Variants in ZNF181 observed in about 807,000 individuals in gnomAD.
ZNF181 encodes zinc finger protein 181, also known as zinc finger protein 181 (HHZ181).
In ZNF181, 8 loss-of-function variants were observed where a neutral mutation model predicts 11.9. That is an observed-to-expected ratio of 0.67 (90% CI 0.39 to 1.21). The LOEUF is 1.21. ZNF181 is among the 50% of genes most tolerant of loss of function. ZNF181 has a pLI of 0.01. For synonymous variants in ZNF181, 202 were observed against 221.1 expected (o/e 0.91, Z 0.77); for missense variants, 542 against 670.9 (o/e 0.81, Z 2.12).
chr19:34,738,608 A>T (rs965097381), intron 1 of ZNF181, among the ~76,000 whole-genome samples: 1 of 151,318 alleles, frequency 6.6e-6, no homozygotes. Context: ...CAGTGGCGCA[A>T]CCTCCGCCTC....
At chr19:34,739,756 T>A (rs2068941305) in intron 3 of ZNF181, 135 bp downstream of exon 3, 2 of 916,810 alleles carry the variant, frequency 2.2e-6, no homozygotes, top group East Asian at 2.6e-5. Context: ...TGAAAAATTG[T>A]GGGATATTTA....
chr19:34,735,514 A>G (rs1209262230), intron 1 of ZNF181, among the ~76,000 whole-genome samples: 2 of 152,146 alleles, frequency 1.3e-5, no homozygotes, highest in Admixed American at 1.3e-4. Context: ...CGGTAGTGAT[A>G]GCAATAAAGC....
intron 3 of ZNF181, 21 bp from the exon 4 acceptor site, chr19:34,740,590 T>A: frequency 1.3e-6 from 2 of 1,530,770 alleles, no homozygotes; most frequent in African/African-American, 2.8e-5. Context: ...AACAGTGCTT[T>A]GCTTTTTTGA....
At position 34,742,061 on chromosome 19, in the gene ZNF181, T is replaced by C. The variant is rs2068989023; in HGVS notation, c.1680T>C (p.Tyr560=). The change falls in exon 4 of 4, where the codon TAT becomes TAC. Residue 560 remains tyrosine, a synonymous_variant. Transcript: ENST00000492450. ...VEKPLDYMNH[Y]TCEKSYRRET... ...AGCCTTTAGACTATATGAATCACTA[T>C]ACATGTGAGAAATCTTACAGAAGAG... 2 of 1,583,782 alleles carry C rather than the reference T, an allele frequency of 1.3e-6. No homozygotes were observed. The highest frequency in any genetic ancestry group is 3.7e-5 in the Admixed American group (2 of 53,724).
chr19:34,739,137 T>C lies in ZNF181; in HGVS notation c.10-11T>C, dbSNP rs748680015. ...GGCTATGGCTGAGCCTAAATATGTT[T>C]GCTATTTCAGGTGACATTTAATGAT... On this transcript the variant is annotated splice_polypyrimidine_tract_variant and intron_variant, in intron 1 of 3. Transcript: ENST00000492450. The C allele has an allele frequency of 1.2e-6, 2 of 1,613,498 alleles. 1 individual carries two copies. The highest frequency in any genetic ancestry group is 1.7e-6 in the Non-Finnish European group (2 of 1,179,538).
Position 34,741,326 on chromosome 19 carries a change from C to T in ZNF181, c.945C>T (p.His315=), listed in dbSNP as rs1165607224. The T allele has an allele frequency of 2.5e-6, 4 of 1,613,850 alleles. No homozygotes were observed. Among genetic ancestry groups the T allele is most frequent in the African/African-American group, 1.3e-5 (1 of 75,034 alleles). The stretch of plus-strand genomic sequence containing the variant: ...CACTTACTAACCATCAGAGCACTCA[C>T]ACTGGAGAGAAACCATATGAATGTA... ...VSSLTNHQST[H]TGEKPYECMN... is the part of the protein sequence containing the mutation. The change falls in exon 4 of 4, where the codon CAC becomes CAT. Residue 315 remains histidine (H), a synonymous_variant. Transcript: ENST00000492450.
chr19:34,735,020 G>C lies in ZNF181; in HGVS notation c.-18G>C. On this transcript the variant is annotated 5_prime_UTR_variant, in exon 1 of 4. Coordinates refer to ENST00000492450, the MANE Select transcript of ZNF181 (RefSeq NM_001029997.4). The stretch of plus-strand genomic sequence containing the variant: ...GCCTGGAAAGAGGACTCTGTTGGCT[G>C]TTGGAAATTGCAGAGTAATGCCTCA... 1 of 1,577,396 alleles carries C rather than the reference G, an allele frequency of 6.3e-7. No homozygotes were observed. The highest frequency in any genetic ancestry group is 1.3e-5 in the African/African-American group (1 of 74,200).
chr19:34,743,930 C>CTGTGATTAGAATCCTATCT lies in ZNF181; in HGVS notation c.*1845_*1863dup, dbSNP rs1306601282. 38 of 152,152 alleles carry CTGTGATTAGAATCCTATCT rather than the reference C, an allele frequency of 2.5e-4. No individual in the cohort carries two copies. The highest frequency in any genetic ancestry group is 8.7e-4 in the African/African-American group (36 of 41,424). The allele number at this position is 152,152 out of a possible 1,614,324, so 9.4% of individuals were successfully genotyped here. ...AAGAAATGGAACAGTCTCACTGGCCCTGTGATTAGAATCCTATCTTGTGAT... is the reference window on the plus strand; with the variant it reads ...AAGAAATGGAACAGTCTCACTGGCCCTGTGATTAGAATCCTATCTTGTGATTAGAATCCTATCTTGTGAT... On this transcript the variant is annotated 3_prime_UTR_variant, in exon 4 of 4. Coordinates refer to ENST00000492450, the MANE Select transcript of ZNF181 (RefSeq NM_001029997.4).
Position 34,741,319 on chromosome 19 carries a change from G to C in ZNF181, c.938G>C (p.Ser313Thr), listed in dbSNP as rs748820408. The stretch of plus-strand genomic sequence containing the variant: ...GTCTCATCACTTACTAACCATCAGA[G>C]CACTCACACTGGAGAGAAACCATAT... Reference protein sequence around the residue: ...SHVSSLTNHQSTHTGEKPYEC... With the variant: ...SHVSSLTNHQTTHTGEKPYEC... The change falls in exon 4 of 4, where the codon AGC (serine) becomes ACC (threonine). Residue 313 changes from serine (S) to threonine (T), a missense_variant. Physicochemically the swap from Ser to Thr is moderately conservative, Grantham distance 58 (BLOSUM62 1). Transcript: ENST00000492450. 6.8e-6 allele frequency: 11 copies of C among 1,613,766 alleles called. No individual in the cohort carries two copies. The highest frequency in any genetic ancestry group is 9.3e-6 in the Non-Finnish European group (11 of 1,179,816).
rs2068991024 is a variant in ZNF181, at chr19:34,742,165, G to C, written c.*68G>C. 6.1e-6 allele frequency: 9 copies of C among 1,464,534 alleles called. No individual in the cohort carries two copies. In the South Asian group the frequency reaches 1.2e-4, roughly 19 times the overall value. 90.7% of individuals were successfully genotyped at this position (1,464,534 alleles called of 1,614,324 possible). ...TAACATTAGAAAAATTTATACTGGG[G>C]AAAGTCTTATGAATGTGGTGAATAT... On this transcript the variant is annotated 3_prime_UTR_variant, in exon 4 of 4. Coordinates refer to ENST00000492450, the MANE Select transcript of ZNF181 (RefSeq NM_001029997.4).
In ZNF181 at chr19:34,740,743, T is replaced by C; in HGVS notation, c.362T>C (p.Leu121Ser). 1 of 1,613,482 alleles carries C rather than the reference T, an allele frequency of 6.2e-7. No individual in the cohort carries two copies. Among genetic ancestry groups the C allele is most frequent in the South Asian group, 1.1e-5 (1 of 90,912 alleles). ...SYEFSNSKKN[L>S]EYIEKLEGKH... is the part of the protein sequence containing the mutation. The stretch of plus-strand genomic sequence containing the variant: ...GAATTTTCAAATTCTAAGAAGAATT[T>C]GGAATATATAGAGAAGTTGGAAGGG... The change falls in exon 4 of 4, where the codon TTG becomes TCG. Residue 121 changes from leucine to serine, a missense_variant. Coordinates refer to ENST00000492450, the MANE Select transcript of ZNF181 (RefSeq NM_001029997.4).
At position 34,741,706 on chromosome 19, in the gene ZNF181, TCAAC is replaced by T. The variant is rs1452260107; in HGVS notation, c.1328_1331del (p.Asn443SerfsTer5). On this transcript the variant is annotated frameshift_variant, in exon 4 of 4. Transcript: ENST00000492450. LOFTEE classifies it low-confidence loss of function (END_TRUNC). ...GAATGTCAGAAATGCAGGAAATCCT[TCAAC>T]CAGCTTGAATCACTGAATATGCATT... is the stretch of plus-strand genomic sequence containing the variant. 1 of 1,613,792 alleles carries T rather than the reference TCAAC, an allele frequency of 6.2e-7. No individual in the cohort carries two copies. The highest frequency in any genetic ancestry group is 8.5e-7 in the Non-Finnish European group (1 of 1,179,896).
chr19:34,740,959 CA>C lies in ZNF181; in HGVS notation c.584del (p.Lys195SerfsTer4). The C allele has an allele frequency of 1.2e-6, 2 of 1,613,484 alleles. No homozygotes were observed. The highest frequency in any genetic ancestry group is 8.5e-7 in the Non-Finnish European group (1 of 1,179,814). ...TATGATATATTAAAGAAGAACTTAC[CA>C]AAAAAGTCAGTTATAAAAAATGAGA... is the stretch of plus-strand genomic sequence containing the variant. ...HKYDILKKNL[P>X]KKSVIKNEKV... On this transcript the variant is annotated frameshift_variant, in exon 4 of 4. Coordinates refer to ENST00000492450, the MANE Select transcript of ZNF181 (RefSeq NM_001029997.4). LOFTEE classifies it low-confidence loss of function (END_TRUNC).
At chr19:34,738,930 T>G (rs1472107482) in intron 1 of ZNF181, among the ~76,000 whole-genome samples, 1 of 152,220 alleles carries the variant, frequency 6.6e-6, no homozygotes, top group East Asian at 1.9e-4. Flanking sequence ...TCACCTTTAT[T>G]GTATAATAAT....
chr19:34,735,047 G>A lies in ZNF181; in HGVS notation c.9+1G>A. On this transcript the variant is annotated splice_donor_variant, in intron 1 of 3. Coordinates refer to ENST00000492450, the MANE Select transcript of ZNF181 (RefSeq NM_001029997.4). LOFTEE classifies it high-confidence loss of function. ...TGGAAATTGCAGAGTAATGCCTCAG[G>A]TAGGTCGGTGTGTCCGCAAATCTTC... The A allele has an allele frequency of 6.4e-7, 1 of 1,574,408 alleles. No individual in the cohort carries two copies. Among genetic ancestry groups the A allele is most frequent in the African/African-American group, 1.4e-5 (1 of 74,024 alleles).
rs376427165 is a variant in ZNF181 at position 34,745,349 on chromosome 19, G to C, written c.*3252G>C. 2 of 152,278 alleles carry C rather than the reference G, an allele frequency of 1.3e-5. No homozygotes were observed. Among genetic ancestry groups the C allele is most frequent in the East Asian group, 3.9e-4 (2 of 5,184 alleles). 9.4% of individuals were successfully genotyped at this position (152,278 alleles called of 1,614,324 possible). On this transcript the variant is annotated 3_prime_UTR_variant, in exon 4 of 4. Transcript: ENST00000492450. ...GTGTCTTGCCTCAGTTTCTCCATCT[G>C]TAAAATGATAATAAAGCTATCTCAC...
At chr19:34,737,010 G>A (rs1347764856) in intron 1 of ZNF181, among the ~76,000 whole-genome samples, 2 of 152,198 alleles carry the variant, frequency 1.3e-5, no homozygotes, top group Non-Finnish European at 2.9e-5. Flanking sequence ...ATTAACAGGT[G>A]AATTTAGGAT....
chr19:34,739,420 T>C (rs2068934994), intron 2 of ZNF181, 103 bp from the exon 3 acceptor site: 2 of 1,568,852 alleles, frequency 1.3e-6, no homozygotes, highest in Non-Finnish European at 1.7e-6. Context: ...AGCTTATCTT[T>C]CCATTTCGAT....
At position 34,741,226 on chromosome 19, in the gene ZNF181, G is replaced by C; in HGVS notation, c.845G>C (p.Arg282Pro). 1 of 1,613,954 alleles carries C rather than the reference G, an allele frequency of 6.2e-7. No homozygotes were observed. Among genetic ancestry groups the C allele is most frequent in the Non-Finnish European group, 8.5e-7 (1 of 1,179,896 alleles). Residue 282 changes from arginine (R) to proline (P), a missense_variant, in exon 4 of 4, where the codon CGA (arginine) becomes CCA (proline). By Grantham distance (103) the Arg-to-Pro change is moderately radical. Transcript: ENST00000492450. Reference protein sequence around the residue: ...KTFSHGSSLTRHLISHSGEKP... With the variant: ...KTFSHGSSLTPHLISHSGEKP... ...TTTAGCCATGGCTCATCCCTTACAC[G>C]ACATCTGATAAGCCATAGTGGAGAG...
Sources: gnomAD v4.1 joint callset for allele counts (sites outside exome capture counted in the v4.1 genomes callset) on GRCh38, gnomAD v4.1.1 for gene constraint, MANE v1.5 for transcripts, NCBI Gene and HGNC (gene_info 2026-07-23, HGNC 2026-07-21) for gene names.